PYM1: variants seen among roughly 807,000 people sequenced by gnomAD.
The protein encoded by PYM1 is PYM1 exon junction complex associated factor.
Under a neutral mutation model 20.7 loss-of-function variants are expected in PYM1, and 7 were observed. The observed-to-expected ratio is 0.34, with a 90% confidence interval of 0.19 to 0.64. The LOEUF is 0.64. PYM1 is among the 30% of genes least tolerant of loss of function. The pLI, the probability that PYM1 is intolerant of heterozygous loss-of-function variation, is 0.74. For synonymous variants in PYM1, 100 were observed against 99.2 expected (o/e 1.01, Z -0.05); for missense variants, 194 against 250.0 (o/e 0.78, Z 1.51).
chr12:55,906,197 T>C (rs1157572819), intron 1 of PYM1, among the ~76,000 whole-genome samples: 3 of 151,182 alleles, frequency 2.0e-5, no homozygotes, highest in African/African-American at 7.3e-5. Context: ...GAAGAAAGTT[T>C]GTTCAGCTTG....
At chr12:55,926,934 A>G in intron 1 of PYM1, 1 of 862,152 alleles carries the variant, frequency 1.2e-6, no homozygotes, top group Non-Finnish European at 1.8e-6. Context: ...GACACCCCGT[A>G]GGAGAGAATG....
chr12:55,909,583 GA>G (rs748616161), intron 1 of PYM1, among the ~76,000 whole-genome samples: 4,968 of 129,366 alleles, frequency 0.038, 266 homozygotes, highest in African/African-American at 0.13. Context: ...GGGTGACTTG[GA>G]AAAAAAAAAA....
chr12:55,917,998 T>C (rs1418116528), intron 1 of PYM1, among the ~76,000 whole-genome samples: 1 of 151,580 alleles, frequency 6.6e-6, no homozygotes, highest in African/African-American at 2.4e-5. Flanking sequence ...ACTTAACTAT[T>C]GGGTACTAAG....
chr12:55,927,876 A>C lies in PYM1; in HGVS notation c.-115T>G. 1 of 1,381,902 alleles carries C rather than the reference A, an allele frequency of 7.2e-7. No homozygotes were observed. The highest frequency in any genetic ancestry group is 9.7e-7 in the Non-Finnish European group (1 of 1,028,664). The allele number at this position is 1,381,902 out of a possible 1,614,324, so 85.6% of individuals were successfully genotyped here. On this transcript the variant is annotated 5_prime_UTR_variant, in exon 1 of 3. Transcript: ENST00000408946. Reference sequence around the variant, plus strand: ...TGAGGGCCCTAGTTGCTTCTCGCCCAGACCTCCTAACCCTGAGTGCCTCCT... The same window carrying C: ...TGAGGGCCCTAGTTGCTTCTCGCCCCGACCTCCTAACCCTGAGTGCCTCCT...
chr12:55,905,707 A>T (rs997816042), intron 1 of PYM1, among the ~76,000 whole-genome samples: 1 of 41,786 alleles, frequency 2.4e-5, no homozygotes, highest in Admixed American at 4.7e-4. Context: ...CAACCCAATT[A>T]AAAAATATAT....
chr12:55,901,821 C>T lies in PYM1; in HGVS notation c.*51G>A. On this transcript the variant is annotated 3_prime_UTR_variant, in exon 3 of 3. Transcript: ENST00000408946. ...CTGTTGCCCGTATTCCCCCAGACCC[C>T]AGAGAGCCCCACGGTTTGTTCTGCA... The T allele has an allele frequency of 6.5e-7, 1 of 1,543,132 alleles. No homozygotes were observed. Among genetic ancestry groups the T allele is most frequent in the Non-Finnish European group, 8.7e-7 (1 of 1,148,552 alleles).
chr12:55,905,370 A>C (rs1456433179), intron 1 of PYM1, among the ~76,000 whole-genome samples: 1 of 151,772 alleles, frequency 6.6e-6, no homozygotes, highest in African/African-American at 2.4e-5. Context: ...ATTTAAGTAC[A>C]TGGAAGCTAT....
intron 2 of PYM1, 109 bp from the exon 3 acceptor site, chr12:55,902,464 T>A: frequency 6.9e-7 from 1 of 1,446,212 alleles, no homozygotes; most frequent in South Asian, 1.4e-5. Flanking sequence ...TTCCTTTTTT[T>A]GTTGTTGTTT....
chr12:55,927,877 G>A lies in PYM1; in HGVS notation c.-116C>T, dbSNP rs1883226159. On this transcript the variant is annotated 5_prime_UTR_variant, in exon 1 of 3. Transcript: ENST00000408946. ...GAGGGCCCTAGTTGCTTCTCGCCCAGACCTCCTAACCCTGAGTGCCTCCTC... is the reference window on the plus strand; with the variant it reads ...GAGGGCCCTAGTTGCTTCTCGCCCAAACCTCCTAACCCTGAGTGCCTCCTC... 2 of 1,379,392 alleles carry A rather than the reference G, an allele frequency of 1.4e-6. No individual in the cohort carries two copies. The highest frequency in any genetic ancestry group is 1.5e-5 in the African/African-American group (1 of 68,824). The allele number at this position is 1,379,392 out of a possible 1,614,324, so 85.4% of individuals were successfully genotyped here.
chr12:55,914,443 G>T, intron 1 of PYM1: 1 of 684,188 alleles, frequency 1.5e-6, no homozygotes, highest in Non-Finnish European at 2.7e-6. Context: ...TAGAGATTGG[G>T]GACTGCTACT....
Position 55,927,720 on chromosome 12 carries a change from G to C in PYM1, c.37+5C>G. ...GCAAGGCGGAGGGCGCCGCGGGTCG[G>C]TCACCTGTCTCCGTAGCCGCAGGGC... On this transcript the variant is annotated splice_donor_5th_base_variant and intron_variant, in intron 1 of 2. Transcript: ENST00000408946. 1 of 1,539,916 alleles carries C rather than the reference G, an allele frequency of 6.5e-7. No individual in the cohort carries two copies. The highest frequency in any genetic ancestry group is 8.7e-7 in the Non-Finnish European group (1 of 1,146,486).
intron 1 of PYM1, among the ~76,000 whole-genome samples, chr12:55,913,319 A>G (rs955482611): frequency 1.3e-5 from 2 of 152,208 alleles, no homozygotes; most frequent in Non-Finnish European, 2.9e-5. Flanking sequence ...GTAAATATGG[A>G]CTGAATTAAT....
chr12:55,921,232 A>G (rs1419343328), intron 1 of PYM1, among the ~76,000 whole-genome samples: 8 of 152,254 alleles, frequency 5.3e-5, no homozygotes, highest in Admixed American at 5.2e-4. Context: ...ACATAATAGT[A>G]ATAATTATAG....
intron 1 of PYM1, among the ~76,000 whole-genome samples, chr12:55,915,721 G>A (rs779897618): frequency 7.2e-5 from 11 of 152,122 alleles, no homozygotes; most frequent in Admixed American, 2.0e-4. Flanking sequence ...TAAGAGTGTC[G>A]TAAGTATCCT....
chr12:55,906,684 T>C (rs1882822748), intron 1 of PYM1, among the ~76,000 whole-genome samples: 1 of 152,066 alleles, frequency 6.6e-6, no homozygotes, highest in Non-Finnish European at 1.5e-5. Flanking sequence ...GTTTCGCTCT[T>C]GTTGCCCAGG....
chr12:55,927,237 C>T, intron 1 of PYM1: 1 of 1,365,092 alleles, frequency 7.3e-7, no homozygotes, highest in Non-Finnish European at 1.0e-6. Flanking sequence ...ATTTCATGGG[C>T]GGAGGTGGAG....
chr12:55,905,934 A>AGATATATATAATATTATATATATCTAT (rs1565714530), intron 1 of PYM1, among the ~76,000 whole-genome samples: 3 of 70,238 alleles, frequency 4.3e-5, no homozygotes, highest in African/African-American at 6.1e-5. Flanking sequence ...TATATATCTA[A>AGATATATATAATATTATATATATCTAT]TAGATATATA....
intron 1 of PYM1, among the ~76,000 whole-genome samples, chr12:55,925,850 A>G (rs79613436): frequency 0.03 from 4,611 of 152,300 alleles, 102 homozygotes; most frequent in Non-Finnish European, 0.044. Flanking sequence ...AGTATACTGG[A>G]TAAGTAGTAT....
chr12:55,906,305 G>C (rs528842222), intron 1 of PYM1, among the ~76,000 whole-genome samples: 1 of 151,852 alleles, frequency 6.6e-6, no homozygotes, highest in South Asian at 2.1e-4. Context: ...GTATTCAAGG[G>C]CTGGGCTTAA....
Sources: gnomAD v4.1 joint callset for allele counts (sites outside exome capture counted in the v4.1 genomes callset) on GRCh38, gnomAD v4.1.1 for gene constraint, MANE v1.5 for transcripts, NCBI Gene and HGNC (gene_info 2026-07-23, HGNC 2026-07-21) for gene names.